Variants in RBBP8 observed in about 807,000 individuals in gnomAD.
RBBP8 encodes the protein DNA endonuclease RBBP8.
Under a neutral mutation model 108.3 loss-of-function variants are expected in RBBP8, and 88 were observed. The observed-to-expected ratio is 0.81, with a 90% CI of 0.68 to 0.97. The LOEUF (loss-of-function observed/expected upper bound fraction) is 0.97. Among genes scored for constraint, RBBP8 ranks in the 50% least tolerant of loss-of-function variants. The pLI is 0.00. For synonymous variants in RBBP8, 332 were observed against 348.2 expected (o/e 0.95, Z 0.52); for missense variants, 1,023 against 1,049.0 (o/e 0.98, Z 0.34).
At chr18:22,927,310 A>G (rs1909825266) in intron 3 of RBBP8, among the ~76,000 whole-genome samples, 1 of 152,230 alleles carries the variant, frequency 6.6e-6, no homozygotes, top group Non-Finnish European at 1.5e-5. Context: ...AGACACAGGC[A>G]CTTAATGCTG....
chr18:22,929,888 GC>G (rs1909958218), upstream of RBBP8, among the ~76,000 whole-genome samples: 1 of 152,128 alleles, frequency 6.6e-6, no homozygotes. Flanking sequence ...AATAAAAAGA[GC>G]TGAACAAAGG....
At chr18:22,938,190 G>T (rs995188153) in intron 2 of RBBP8, among the ~76,000 whole-genome samples, 1 of 152,058 alleles carries the variant, frequency 6.6e-6, no homozygotes, top group Non-Finnish European at 1.5e-5. Flanking sequence ...GGAGTGCAGT[G>T]GTGCAAACAT....
intron 1 of RBBP8, among the ~76,000 whole-genome samples, chr18:22,934,968 AAAT>A (rs1910407948): frequency 6.8e-6 from 1 of 147,710 alleles, no homozygotes; most frequent in African/African-American, 2.5e-5. Context: ...ATTATATATT[AAAT>A]AATATATAAA....
At chr18:22,927,694 AAATAT>A in intron 3 of RBBP8, among the ~76,000 whole-genome samples, 1 of 152,150 alleles carries the variant, frequency 6.6e-6, no homozygotes, top group Non-Finnish European at 1.5e-5. Context: ...GGGTTAAATA[AAATAT>A]ATTAAGTTAA....
At chr18:23,008,780 T>TG (rs1450054071) in intron 16 of RBBP8, among the ~76,000 whole-genome samples, 4 of 143,698 alleles carry the variant, frequency 2.8e-5, no homozygotes. Context: ...TTTTTTTTTT[T>TG]TTTTTTTTTT....
chr18:22,994,258 C>G (rs1466660786), intron 12 of RBBP8, among the ~76,000 whole-genome samples: 1 of 148,244 alleles, frequency 6.7e-6, no homozygotes, highest in Admixed American at 6.7e-5. Context: ...CTCCTGACAT[C>G]GTGATCCACC....
At chr18:22,980,355 G>A (rs1914818037) in intron 6 of RBBP8, among the ~76,000 whole-genome samples, 1 of 152,188 alleles carries the variant, frequency 6.6e-6, no homozygotes, top group African/African-American at 2.4e-5. Flanking sequence ...AGGAGTACTA[G>A]GGTGTGTGAA....
intron 5 of RBBP8, among the ~76,000 whole-genome samples, chr18:22,970,409 T>C (rs1913984333): frequency 6.6e-6 from 1 of 152,174 alleles, no homozygotes; most frequent in Non-Finnish European, 1.5e-5. Flanking sequence ...CTTATCTAGG[T>C]GTTAAAGTAT....
chr18:22,916,174 G>A (rs1909348109), intron 2 of RBBP8, among the ~76,000 whole-genome samples: 2 of 151,828 alleles, frequency 1.3e-5, no homozygotes, highest in South Asian at 2.1e-4. Flanking sequence ...TCTTTTAGTC[G>A]AGGATGCATT....
intron 5 of RBBP8, among the ~76,000 whole-genome samples, 191 bp downstream of exon 5, chr18:22,969,109 A>C (rs2144593605): frequency 6.6e-6 from 1 of 151,962 alleles, no homozygotes; most frequent in Admixed American, 6.5e-5. Flanking sequence ...TAGGGTACAA[A>C]AAGGTTGTGC....
chr18:22,936,915 G>A lies in RBBP8; in HGVS notation c.64G>A (p.Asp22Asn). The change falls in exon 2 of 19, where the codon GAC becomes AAC. Residue 22 changes from aspartate to asparagine, a missense_variant. By Grantham distance (23) the Asp-to-Asn change is conservative. Coordinates refer to ENST00000327155, the MANE Select transcript of RBBP8 (RefSeq NM_002894.3). The part of the protein sequence containing the change: ...NSADTSSDFK[D>N]LWTKLKECHD... ...TGCAGATACATCTAGTGACTTTAAG[G>A]ACCTTTGGACAAAACTAAAAGAATG... 2 of 1,614,132 alleles carry A rather than the reference G, an allele frequency of 1.2e-6. No homozygotes were observed. The highest frequency in any genetic ancestry group is 1.7e-6 in the Non-Finnish European group (2 of 1,180,032).
intron 16 of RBBP8, among the ~76,000 whole-genome samples, chr18:23,015,712 A>T (rs1186290585): frequency 1.3e-5 from 2 of 152,070 alleles, no homozygotes; most frequent in Non-Finnish European, 2.9e-5. Context: ...TATTAAATAG[A>T]CTATCCTTTC....
At chr18:22,930,347 T>C (rs538392558), upstream of RBBP8, among the ~76,000 whole-genome samples, 7 of 152,328 alleles carry the variant, frequency 4.6e-5, no homozygotes, top group African/African-American at 1.7e-4. Flanking sequence ...AGCAGCCTCA[T>C]CTTTTCATTA....
At position 23,022,645 on chromosome 18, in the gene RBBP8, A is replaced by G. The variant is rs866523988; in HGVS notation, c.2596+375A>G. On this transcript the variant is annotated intron_variant, in intron 18 of 18. Transcript: ENST00000327155. The stretch of plus-strand genomic sequence containing the variant: ...AATAAAATAAAATAAAATAAATAAA[A>G]TACAATATAAAATAAAATAAAATAA... Among the ~76,000 whole-genome samples the G allele has an allele frequency of 8.4e-4, 38 of 45,146 alleles. 4 individuals carry two copies. The highest frequency in any genetic ancestry group is 1.9e-3 in the African/African-American group (34 of 17,574). 29.6% of individuals were successfully genotyped at this position (45,146 alleles called of 152,430 possible).
rs751688565 is a variant in RBBP8 at position 23,022,197 on chromosome 18, C to G, written c.2523C>G (p.Arg841=). The change falls in exon 18 of 19, where the codon CGC becomes CGG. Residue 841 remains arginine, a synonymous_variant. Coordinates refer to ENST00000327155, the MANE Select transcript of RBBP8 (RefSeq NM_002894.3). The part of the protein sequence containing the change: ...KLASCSRHRF[R]YIPPNTPENF... ...CTTCCTGCTCAAGACACCGATTCCG[C>G]TACATTCCACCCAACACACCAGAGA... is the stretch of plus-strand genomic sequence containing the variant. 1 of 1,611,606 alleles carries G rather than the reference C, an allele frequency of 6.2e-7. No individual in the cohort carries two copies. The highest frequency in any genetic ancestry group is 1.7e-5 in the Admixed American group (1 of 60,016).
rs1482600196 is a variant in RBBP8, at chr18:22,959,869, TC to T, written c.249-8936del. Reference sequence around the variant, plus strand: ...GTAAAAATCTATATAAGATGAACTTTCTTTTTTTTTTTTTTTTTTTTTGGTG... The same window carrying T: ...GTAAAAATCTATATAAGATGAACTTTTTTTTTTTTTTTTTTTTTTTTGGTG... On this transcript the variant is annotated intron_variant, in intron 4 of 18. Coordinates refer to ENST00000327155, the MANE Select transcript of RBBP8 (RefSeq NM_002894.3). 3.5e-4 allele frequency among the ~76,000 whole-genome samples: 48 copies of T among 136,004 alleles called. 1 individual carries two copies. Among genetic ancestry groups the T allele is most frequent in the South Asian group, 9.7e-4 (4 of 4,130 alleles). 89.2% of individuals were successfully genotyped at this position (136,004 alleles called of 152,430 possible). A position where few individuals can be genotyped will look rare whatever the true frequency, so the allele number is the denominator to read the frequency against.
chr18:22,922,561 G>T (rs1367272281), intron 3 of RBBP8, among the ~76,000 whole-genome samples: 2 of 152,054 alleles, frequency 1.3e-5, no homozygotes, highest in Non-Finnish European at 2.9e-5. Flanking sequence ...CTCCCAGGCT[G>T]AAACAATCCT....
intron 8 of RBBP8, among the ~76,000 whole-genome samples, chr18:22,985,382 G>A (rs2144669401): frequency 6.6e-6 from 1 of 152,206 alleles, no homozygotes; most frequent in Non-Finnish European, 1.5e-5. Flanking sequence ...AGTAAAGCAG[G>A]GTAAGAAGGG....
Position 22,993,859 on chromosome 18 carries a change from A to T in RBBP8, c.1939+12A>T. On this transcript the variant is annotated intron_variant, in intron 12 of 18. Transcript: ENST00000327155. ...ACAAAACAACCAAGGTGTGTACACC[A>T]TAAACAGGATCTCCACTTTTTTAAT... 6.2e-7 allele frequency: 1 copy of T among 1,609,736 alleles called. No homozygotes were observed. Among genetic ancestry groups the T allele is most frequent in the Non-Finnish European group, 8.5e-7 (1 of 1,176,248 alleles).
Sources: gnomAD v4.1 joint callset for allele counts (sites outside exome capture counted in the v4.1 genomes callset) on GRCh38, gnomAD v4.1.1 for gene constraint, MANE v1.5 for transcripts, NCBI Gene and HGNC (gene_info 2026-07-23, HGNC 2026-07-21) for gene names.